The following ACTR10 variants were observed in gnomAD, a reference collection of about 807,000 sequenced individuals.
ACTR10 encodes the protein actin related protein 10.
In ACTR10, 43 loss-of-function variants were observed where a neutral mutation model predicts 56.2. The ratio of observed to expected loss-of-function variants is 0.77; its 90% CI spans 0.60 to 0.99. The LOEUF is 0.99. Ranked by LOEUF, ACTR10 falls within the 50% of genes least tolerant of loss-of-function variation. The probability of loss-of-function intolerance (pLI) is 0.00; values close to 1 mark genes in which losing one functional copy is unlikely to be tolerated. For missense variants in ACTR10, 466 were observed against 507.8 expected (o/e 0.92, Z 0.79); for synonymous variants, 170 against 176.3 (o/e 0.96, Z 0.28).
chr14:58,225,228 C>T (rs1471791078), intron 10 of ACTR10, among the ~76,000 whole-genome samples: 3 of 152,160 alleles, frequency 2.0e-5, no homozygotes, highest in African/African-American at 4.8e-5. Flanking sequence ...TCCAAATATA[C>T]TCAGTCTTTA....
intron 12 of ACTR10, among the ~76,000 whole-genome samples, chr14:58,233,535 G>A (rs575217173): frequency 6.6e-6 from 1 of 152,344 alleles, no homozygotes; most frequent in East Asian, 1.9e-4. Flanking sequence ...GGCTGTTTAT[G>A]TGTTAATCGA....
chr14:58,232,041 C>T (rs1271557805), intron 11 of ACTR10, 25 bp from the exon 12 acceptor site: 7 of 1,547,152 alleles, frequency 4.5e-6, no homozygotes, highest in Non-Finnish European at 5.3e-6. Flanking sequence ...AGAATAAATC[C>T]TTCTTTTTTT....
chr14:58,231,349 CAT>C (rs3063564), intron 11 of ACTR10, among the ~76,000 whole-genome samples: 14,850 of 152,236 alleles, frequency 0.098, 1,107 homozygotes, highest in Admixed American at 0.23. Flanking sequence ...AACCCAGTGA[CAT>C]GTGCATTCTT....
At chr14:58,222,930 G>A (rs1488944261) in intron 8 of ACTR10, among the ~76,000 whole-genome samples, 2 of 151,960 alleles carry the variant, frequency 1.3e-5, no homozygotes, top group Non-Finnish European at 2.9e-5. Context: ...CTGGTTTAAA[G>A]AAATATGCTA....
At chr14:58,231,954 TATA>T (rs971353587) in intron 11 of ACTR10, 109 bp from the exon 12 acceptor site, 11 of 552,054 alleles carry the variant, frequency 2.0e-5, no homozygotes, top group Non-Finnish European at 2.2e-5. Flanking sequence ...TAATCTGTAG[TATA>T]ATAATAATAT....
At chr14:58,229,369 C>G (rs1889475585) in intron 10 of ACTR10, among the ~76,000 whole-genome samples, 2 of 152,100 alleles carry the variant, frequency 1.3e-5, no homozygotes, top group Admixed American at 1.3e-4. Context: ...CTATTCTATA[C>G]TGAAAATTTG....
At chr14:58,208,516 T>A (rs1390835031) in intron 3 of ACTR10, among the ~76,000 whole-genome samples, 1 of 152,082 alleles carries the variant, frequency 6.6e-6, no homozygotes, top group Non-Finnish European at 1.5e-5. Flanking sequence ...CGTGTCATAA[T>A]ATTTGGAGCT....
At chr14:58,204,916 A>G (rs1025452552) in intron 2 of ACTR10, among the ~76,000 whole-genome samples, 6 of 152,150 alleles carry the variant, frequency 3.9e-5, no homozygotes, top group African/African-American at 1.4e-4. Flanking sequence ...AATCGCATAT[A>G]AGCATATTTG....
chr14:58,230,615 A>C (rs771008937), intron 11 of ACTR10, 135 bp downstream of exon 11: 36 of 417,392 alleles, frequency 8.6e-5, no homozygotes, highest in Non-Finnish European at 1.3e-4. Context: ...CTGCTTATTA[A>C]ATTTTATTAA....
In ACTR10 at chr14:58,209,037, T is replaced by G. The variant is rs2140045964; in HGVS notation, c.272T>G (p.Ile91Ser). 1.9e-6 allele frequency: 3 copies of G among 1,613,082 alleles called. No individual in the cohort carries two copies. In the East Asian group the frequency reaches 6.7e-5, roughly 36 times the overall value. Residue 91 changes from isoleucine to serine, a missense_variant, in exon 4 of 13, where the codon ATT becomes AGT. Ile to Ser is a moderately radical substitution (Grantham distance 142). Coordinates refer to ENST00000254286, the MANE Select transcript of ACTR10 (RefSeq NM_018477.3). ...LVNPRDRRVVIIESVLCPSHF... is the reference protein window; with the variant it reads ...LVNPRDRRVVSIESVLCPSHF... ...AATCCCAGAGACCGCCGAGTTGTGA[T>G]TATCGAATCGGTATTATGTCCTTCT...
chr14:58,232,398 C>CTTTTTTTTTTTTT (rs1566632021), intron 12 of ACTR10, 131 bp downstream of exon 12: 1 of 204,486 alleles, frequency 4.9e-6, no homozygotes, highest in African/African-American at 3.4e-5. Context: ...CTAACACTGA[C>CTTTTTTTTTTTTT]TTTTTCTTTT....
Position 58,223,801 on chromosome 14 carries a change from A to G in ACTR10, c.733A>G (p.Asn245Asp). 6.2e-7 allele frequency: 1 copy of G among 1,613,356 alleles called. No homozygotes were observed. Among genetic ancestry groups the G allele is most frequent in the Non-Finnish European group, 8.5e-7 (1 of 1,179,414 alleles). ...GNNERPSPPP[N>D]VDYPLDGEKI... is the part of the protein sequence containing the mutation. ...ATTTCAGCGTCCCTCCCCACCCCCA[A>G]ATGTTGACTATCCATTAGATGGAGA... The change falls in exon 10 of 13, where the codon AAT becomes GAT. Residue 245 changes from asparagine (N) to aspartate (D), a missense_variant. Asn to Asp is a conservative substitution (Grantham distance 23, BLOSUM62 1). Transcript: ENST00000254286.
intron 6 of ACTR10, among the ~76,000 whole-genome samples, chr14:58,214,521 C>T (rs1312503092): frequency 1.3e-5 from 2 of 151,394 alleles, no homozygotes; most frequent in East Asian, 2.0e-4. Flanking sequence ...AATGGAGTCT[C>T]GCTCTGTCAC....
At chr14:58,202,378 G>A (rs1594801715) in intron 1 of ACTR10, among the ~76,000 whole-genome samples, 1 of 151,158 alleles carries the variant, frequency 6.6e-6, no homozygotes, top group Admixed American at 6.6e-5. Flanking sequence ...TCAGGAGATC[G>A]AGACTATCCT....
chr14:58,231,075 G>GGC (rs1889520962), intron 11 of ACTR10: 2 of 274,390 alleles, frequency 7.3e-6, no homozygotes, highest in African/African-American at 3.8e-5. Context: ...CTCTTTTTTT[G>GGC]ACAGTGTTGC....
chr14:58,231,808 A>G (rs983041242), intron 11 of ACTR10, among the ~76,000 whole-genome samples: 1 of 152,228 alleles, frequency 6.6e-6, no homozygotes, highest in Non-Finnish European at 1.5e-5. Flanking sequence ...GTAAAATTCT[A>G]TGCTTTTAGA....
At chr14:58,204,252 C>G (rs1188990481) in intron 2 of ACTR10, among the ~76,000 whole-genome samples, 6 of 150,850 alleles carry the variant, frequency 4.0e-5, no homozygotes, top group African/African-American at 1.2e-4. Context: ...GGCATGGTGG[C>G]AGGCACTGGT....
intron 12 of ACTR10, among the ~76,000 whole-genome samples, chr14:58,233,403 G>C (rs894590523): frequency 6.6e-6 from 1 of 152,098 alleles, no homozygotes; most frequent in African/African-American, 2.4e-5. Flanking sequence ...AAATATGCTA[G>C]AAAAATTTTG....
At chr14:58,210,640 C>T (rs1888969748) in intron 4 of ACTR10, among the ~76,000 whole-genome samples, 1 of 150,688 alleles carries the variant, frequency 6.6e-6, no homozygotes, top group African/African-American at 2.4e-5. Flanking sequence ...AATTTAACAT[C>T]TTCCTCTATA....
Sources: gnomAD v4.1 joint callset for allele counts (sites outside exome capture counted in the v4.1 genomes callset) on GRCh38, gnomAD v4.1.1 for gene constraint, MANE v1.5 for transcripts, NCBI Gene and HGNC (gene_info 2026-07-23, HGNC 2026-07-21) for gene names.